PCED1B: variants seen among roughly 807,000 people sequenced by gnomAD.
PCED1B encodes the protein PC-esterase domain-containing protein 1B.
For missense variants in PCED1B, 573 were observed against 573.9 expected (o/e 1.00, Z 0.02); for synonymous variants, 251 against 246.1 (o/e 1.02, Z -0.19).
intron 2 of PCED1B, among the ~76,000 whole-genome samples, chr12:47,119,321 C>T (rs1039973107): frequency 2.0e-5 from 3 of 151,906 alleles, no homozygotes; most frequent in African/African-American, 7.3e-5. Flanking sequence ...TACTTGTGAC[C>T]TTAGATTTGG....
chr12:47,108,083 A>C lies in PCED1B; in HGVS notation c.-526+3888A>C, dbSNP rs569815264. Among the ~76,000 whole-genome samples the C allele has an allele frequency of 2.0e-5, 3 of 152,304 alleles. No individual in the cohort carries two copies. In the South Asian group the frequency reaches 6.2e-4, roughly 32 times the overall value. On this transcript the variant is annotated intron_variant, in intron 2 of 3. Coordinates refer to ENST00000546455, the MANE Select transcript of PCED1B (RefSeq NM_138371.3). ...AGCCCTCAGTAAACAGTAGGCAGCA[A>C]CCAAGCTGGTGGGAAGCCTCCTATC... is the stretch of plus-strand genomic sequence containing the variant.
chr12:47,164,874 TC>T (rs1437844586), intron 2 of PCED1B, among the ~76,000 whole-genome samples: 1 of 152,180 alleles, frequency 6.6e-6, no homozygotes, highest in Non-Finnish European at 1.5e-5. Context: ...GCTAGTTGAG[TC>T]ACAATGAATT....
At chr12:47,200,238 T>A (rs150971785) in intron 2 of PCED1B, among the ~76,000 whole-genome samples, 37 of 151,946 alleles carry the variant, frequency 2.4e-4, no homozygotes, top group African/African-American at 8.9e-4. Flanking sequence ...GTGTTAATAT[T>A]CAACAGTATG....
chr12:47,124,892 T>A (rs1041972507), intron 2 of PCED1B, among the ~76,000 whole-genome samples: 2 of 151,928 alleles, frequency 1.3e-5, no homozygotes, highest in African/African-American at 4.8e-5. Context: ...GTTGTGGGAG[T>A]TCTTTATATA....
chr12:47,233,071 C>T (rs1943858923), intron 3 of PCED1B, among the ~76,000 whole-genome samples: 1 of 152,054 alleles, frequency 6.6e-6, no homozygotes, highest in African/African-American at 2.4e-5. Flanking sequence ...CGCCACCATG[C>T]CCAGTTAATT....
At chr12:47,201,503 G>A (rs1010018888) in intron 2 of PCED1B, among the ~76,000 whole-genome samples, 1 of 152,082 alleles carries the variant, frequency 6.6e-6, no homozygotes, top group African/African-American at 2.4e-5. Flanking sequence ...AAAGGAAAAG[G>A]GAGATTCTAA....
chr12:47,120,009 T>C (rs1939608486), intron 2 of PCED1B, among the ~76,000 whole-genome samples: 1 of 151,506 alleles, frequency 6.6e-6, no homozygotes, highest in East Asian at 1.9e-4. Flanking sequence ...AATTGCCCAA[T>C]TAAAAAATAG....
chr12:47,200,630 A>C (rs1369534511), intron 2 of PCED1B, among the ~76,000 whole-genome samples: 2 of 152,352 alleles, frequency 1.3e-5, no homozygotes, highest in East Asian at 3.9e-4. Flanking sequence ...TGAGCTAAAG[A>C]CTTATGACCA....
At chr12:47,186,889 G>T (rs1271151292) in intron 2 of PCED1B, among the ~76,000 whole-genome samples, 1 of 152,030 alleles carries the variant, frequency 6.6e-6, no homozygotes, top group African/African-American at 2.4e-5. Context: ...TATCCTATTG[G>T]CCAGAACAAG....
At chr12:47,152,269 C>A (rs940634201) in intron 2 of PCED1B, among the ~76,000 whole-genome samples, 1 of 152,070 alleles carries the variant, frequency 6.6e-6, no homozygotes, top group African/African-American at 2.4e-5. Flanking sequence ...GAAACCTGGC[C>A]AAGACCACAT....
At chr12:47,131,829 C>T (rs977670580) in intron 2 of PCED1B, among the ~76,000 whole-genome samples, 2 of 151,972 alleles carry the variant, frequency 1.3e-5, no homozygotes, top group African/African-American at 2.4e-5. Context: ...CCACCACATC[C>T]GGCTAATTTT....
intron 2 of PCED1B, among the ~76,000 whole-genome samples, chr12:47,127,112 CCTT>C (rs1398197674): frequency 6.6e-5 from 10 of 152,182 alleles, no homozygotes; most frequent in Non-Finnish European, 2.9e-5. Flanking sequence ...GACTTCAGAT[CCTT>C]CTTCTTTTTG....
intron 2 of PCED1B, among the ~76,000 whole-genome samples, chr12:47,159,109 ATG>A (rs1477404785): frequency 1.3e-5 from 2 of 152,126 alleles, no homozygotes; most frequent in Non-Finnish European, 2.9e-5. Context: ...GTATTCCATT[ATG>A]TATATATGCC....
chr12:47,118,684 G>A (rs1592161580), intron 2 of PCED1B, among the ~76,000 whole-genome samples: 1 of 152,044 alleles, frequency 6.6e-6, no homozygotes, highest in South Asian at 2.1e-4. Context: ...GCTCTTTTTT[G>A]GTTCCATATG....
chr12:47,209,709 A>G (rs1233187790), intron 2 of PCED1B: 1 of 152,256 alleles, frequency 6.6e-6, no homozygotes, highest in Non-Finnish European at 1.5e-5. Context: ...GCTTTATCCC[A>G]GTAATGCTAT....
At chr12:47,127,254 T>C (rs1939924255) in intron 2 of PCED1B, among the ~76,000 whole-genome samples, 1 of 152,178 alleles carries the variant, frequency 6.6e-6, no homozygotes, top group Non-Finnish European at 1.5e-5. Context: ...ACATACAGAT[T>C]GAAATCTTTT....
intron 2 of PCED1B, among the ~76,000 whole-genome samples, chr12:47,134,016 C>T (rs766006607): frequency 1.3e-5 from 2 of 152,250 alleles, no homozygotes; most frequent in Non-Finnish European, 2.9e-5. Context: ...TTTGGGCTTC[C>T]GGAACTGTAA....
chr12:47,113,294 A>G (rs564108544), intron 2 of PCED1B, among the ~76,000 whole-genome samples: 1 of 152,350 alleles, frequency 6.6e-6, no homozygotes, highest in Non-Finnish European at 1.5e-5. Context: ...TAGGAATCAC[A>G]GAAGGGGAAT....
At chr12:47,221,338 CTT>C (rs63059763) in intron 3 of PCED1B, among the ~76,000 whole-genome samples, 17,702 of 108,568 alleles carry the variant, frequency 0.16, 1,303 homozygotes, top group African/African-American at 0.22. Context: ...CATCAAAATT[CTT>C]TTTTTTTTTT....
Sources: allele counts gnomAD v4.1 joint callset (sites outside exome capture counted in the v4.1 genomes callset), GRCh38; gene constraint gnomAD v4.1.1; transcripts MANE v1.5; gene names NCBI Gene and HGNC (gene_info 2026-07-23, HGNC 2026-07-21).